Variants in TOX3 observed in about 807,000 individuals in gnomAD.
TOX3 encodes CAG trinucleotide repeat-containing gene F9 protein.
A neutral mutation model predicts 64.3 loss-of-function variants in TOX3; 22 were observed. The observed-to-expected ratio is 0.34, with a 90% CI of 0.24 to 0.49. The LOEUF (loss-of-function observed/expected upper bound fraction) is 0.49, where lower values mean the gene tolerates loss of function less well. TOX3 is among the 20% of genes least tolerant of loss of function. The pLI is 0.99. For synonymous variants in TOX3, 291 were observed against 273.6 expected (o/e 1.06, Z -0.63); for missense variants, 661 against 714.4 (o/e 0.93, Z 0.85).
intron 3 of TOX3, among the ~76,000 whole-genome samples, chr16:52,450,956 C>A (rs1005915810): frequency 6.6e-6 from 1 of 152,172 alleles, no homozygotes; most frequent in Middle Eastern, 3.2e-3. Flanking sequence ...GAAGCAGAGA[C>A]CGCACCCATT....
Position 52,546,718 on chromosome 16 carries a change from A to G in TOX3, c.6T>C (p.Asp2=). ...CGGCCGCCGCGGGGTAGAACCTCAC[A>G]TCCATGCCGAAGCTGGGCCCGGGGC... The part of the protein sequence containing the change: M[D]VRFYPAAAGD... Residue 2 remains aspartate (D), a synonymous_variant, in exon 1 of 7, where the codon GAT becomes GAC. Transcript: ENST00000219746. 3 of 1,520,410 alleles carry G rather than the reference A, an allele frequency of 2.0e-6. No homozygotes were observed. The highest frequency in any genetic ancestry group is 2.6e-6 in the Non-Finnish European group (3 of 1,138,536). The allele number at this position is 1,520,410 out of a possible 1,614,324, so 94.2% of individuals were successfully genotyped here.
intron 1 of TOX3, among the ~76,000 whole-genome samples, chr16:52,514,453 C>CAT (rs1334796478): frequency 3.9e-5 from 6 of 152,144 alleles, no homozygotes; most frequent in Admixed American, 2.0e-4. Context: ...CTAAACCATT[C>CAT]ATATAACACA....
At chr16:52,469,890 A>T (rs1209657219) in intron 1 of TOX3, among the ~76,000 whole-genome samples, 4 of 152,232 alleles carry the variant, frequency 2.6e-5, no homozygotes, top group Admixed American at 1.3e-4. Context: ...AGAACTAAGC[A>T]GGATTTATAC....
chr16:52,524,688 T>C (rs1962685475), intron 1 of TOX3, among the ~76,000 whole-genome samples: 1 of 152,080 alleles, frequency 6.6e-6, no homozygotes, highest in Non-Finnish European at 1.5e-5. Flanking sequence ...TCAGCCACCA[T>C]CCAAAAAGAA....
At position 52,477,938 on chromosome 16, in the gene TOX3, A is replaced by G. The variant is rs1037889266; in HGVS notation, c.88-9364T>C. ...CTGTGGCCTCAAACTCCTAGGCTCA[A>G]ATGATCCTCCCACTTAAGTCTCCCA... On this transcript the variant is annotated intron_variant, in intron 1 of 6. Transcript: ENST00000219746. 2.6e-5 allele frequency among the ~76,000 whole-genome samples: 4 copies of G among 152,210 alleles called. No homozygotes were observed. In the East Asian group the frequency reaches 7.7e-4, roughly 29 times the overall value.
At chr16:52,496,186 G>T (rs1340201850) in intron 1 of TOX3, among the ~76,000 whole-genome samples, 1 of 152,100 alleles carries the variant, frequency 6.6e-6, no homozygotes, top group East Asian at 1.9e-4. Flanking sequence ...TGAGCCTTTG[G>T]GAGACAGAAT....
intron 1 of TOX3, among the ~76,000 whole-genome samples, chr16:52,518,993 G>A (rs1962527378): frequency 6.6e-6 from 1 of 152,206 alleles, no homozygotes; most frequent in African/African-American, 2.4e-5. Context: ...TGGATTTAGA[G>A]GCTGTTAGAA....
At chr16:52,505,563 A>G (rs56713684) in intron 1 of TOX3, among the ~76,000 whole-genome samples, 1,674 of 152,336 alleles carry the variant, frequency 0.011, 31 homozygotes, top group African/African-American at 0.038. Flanking sequence ...TGCCACAAAA[A>G]TCACTAACTG....
At chr16:52,451,933 C>T (rs576387788) in intron 3 of TOX3, among the ~76,000 whole-genome samples, 104 of 152,184 alleles carry the variant, frequency 6.8e-4, no homozygotes, top group Non-Finnish European at 1.3e-3. Flanking sequence ...ATTGAGGGGG[C>T]TTGTCCTGCA....
chr16:52,526,057 G>T (rs964817761), intron 1 of TOX3, among the ~76,000 whole-genome samples: 1 of 152,080 alleles, frequency 6.6e-6, no homozygotes, highest in African/African-American at 2.4e-5. Flanking sequence ...CATTCCCATT[G>T]GCTTAAGTAT....
intron 1 of TOX3, among the ~76,000 whole-genome samples, chr16:52,499,834 A>G (rs1376771005): frequency 1.3e-5 from 2 of 152,224 alleles, no homozygotes; most frequent in Non-Finnish European, 2.9e-5. Flanking sequence ...CCTAGGTACA[A>G]GGAAAGGATG....
At chr16:52,528,223 T>TA (rs1290495041) in intron 1 of TOX3, among the ~76,000 whole-genome samples, 3 of 152,186 alleles carry the variant, frequency 2.0e-5, no homozygotes, top group Admixed American at 1.3e-4. Flanking sequence ...ATACTGATGG[T>TA]AATGGTAACA....
At chr16:52,535,318 C>T (rs1962924686) in intron 1 of TOX3, among the ~76,000 whole-genome samples, 1 of 152,124 alleles carries the variant, frequency 6.6e-6, no homozygotes, top group African/African-American at 2.4e-5. Context: ...TTCCTGAGTA[C>T]CCAAGTGTGG....
chr16:52,450,791 TGGAAGGAAGGAAGGAAGGAAGGAAGGAA>T (rs555228421), intron 3 of TOX3, among the ~76,000 whole-genome samples: 3,305 of 116,620 alleles, frequency 0.028, 68 homozygotes, highest in African/African-American at 0.038. Context: ...TCAGTGGATG[TGGAAGGAAGGAAGGAAGGAAGGAAGGAA>T]GGAAGGAAGG....
At chr16:52,440,270 G>A (rs369341543) in intron 6 of TOX3, among the ~76,000 whole-genome samples, 1 of 152,274 alleles carries the variant, frequency 6.6e-6, no homozygotes, top group African/African-American at 2.4e-5. Context: ...CATGATGACA[G>A]ACATGTGGCC....
chr16:52,489,670 G>GA (rs1187726929), intron 1 of TOX3, among the ~76,000 whole-genome samples: 1 of 151,982 alleles, frequency 6.6e-6, no homozygotes, highest in Non-Finnish European at 1.5e-5. Context: ...TCACTATACT[G>GA]AGTTGCAAAT....
intron 1 of TOX3, among the ~76,000 whole-genome samples, chr16:52,472,929 T>C (rs978189417): frequency 6.6e-6 from 1 of 152,224 alleles, no homozygotes; most frequent in Non-Finnish European, 1.5e-5. Flanking sequence ...ATTGAACTTC[T>C]GTATCTTAAT....
intron 1 of TOX3, among the ~76,000 whole-genome samples, chr16:52,510,076 G>A (rs747991395): frequency 3.3e-5 from 5 of 149,626 alleles, no homozygotes; most frequent in South Asian, 2.1e-4. Flanking sequence ...ATCTGCCCTC[G>A]CCTCTGATAC....
At chr16:52,517,043 A>G (rs1302502424) in intron 1 of TOX3, among the ~76,000 whole-genome samples, 2 of 152,236 alleles carry the variant, frequency 1.3e-5, no homozygotes, top group Non-Finnish European at 2.9e-5. Context: ...AAGTATGCAT[A>G]AACAGTGATT....
Sources: gnomAD v4.1 joint callset for allele counts (sites outside exome capture counted in the v4.1 genomes callset) on GRCh38, gnomAD v4.1.1 for gene constraint, MANE v1.5 for transcripts, NCBI Gene and HGNC (gene_info 2026-07-23, HGNC 2026-07-21) for gene names.